Variants in KLF8 observed in about 807,000 individuals in gnomAD.
KLF8 encodes Krueppel-like factor 8.
Under a neutral mutation model 18.2 loss-of-function variants are expected in KLF8, and 10 were observed. That is an observed-to-expected ratio of 0.55 (90% CI 0.34 to 0.93). The LOEUF (loss-of-function observed/expected upper bound fraction) is 0.93. KLF8 is among the 40% of genes least tolerant of loss of function. KLF8 has a pLI of 0.02. For missense variants in KLF8, 264 were observed against 277.9 expected (o/e 0.95, Z 0.36); for synonymous variants, 109 against 97.3 (o/e 1.12, Z -0.71).
chrX:56,063,279 T>C, the KLF8 span, among the ~76,000 whole-genome samples: 3 of 111,630 alleles, frequency 2.7e-5, no homozygotes, highest in Non-Finnish European at 3.8e-5. Flanking sequence ...CTTTTTGCAC[T>C]GGTTTTTCCT....
the KLF8 span, among the ~76,000 whole-genome samples, chrX:56,175,426 C>T: frequency 5.4e-5 from 6 of 111,791 alleles, no homozygotes; most frequent in African/African-American, 2.0e-4. Flanking sequence ...TTTCTTAGTT[C>T]TGAGTTCTAG....
rs1445481097 is a variant in KLF8 at position 56,286,175 on chromosome X, G to A, written c.*1681G>A. ...AATTTTATTTATTTATTTTTTGAGA[G>A]ACGGTTTCACTCCATCACCCAGGCT... On this transcript the variant is annotated 3_prime_UTR_variant, in exon 6 of 6. Coordinates refer to ENST00000468660, the MANE Select transcript of KLF8 (RefSeq NM_007250.5). 9.0e-6 allele frequency: 1 copy of A among 110,942 alleles called. No individual in the cohort carries two copies. Among genetic ancestry groups the A allele is most frequent in the African/African-American group, 3.3e-5 (1 of 30,443 alleles). The allele number at this position is 110,942 out of a possible 1,213,427, so 9.1% of individuals were successfully genotyped here. A position where few individuals can be genotyped will look rare whatever the true frequency, so the allele number is the denominator to read the frequency against.
chrX:56,077,024 G>A, the KLF8 span, among the ~76,000 whole-genome samples: 2 of 111,543 alleles, frequency 1.8e-5, no homozygotes, highest in Non-Finnish European at 3.8e-5. Flanking sequence ...TGAGTTCATT[G>A]TAGATTCTGG....
At chrX:55,953,667 A>G in the KLF8 span, among the ~76,000 whole-genome samples, 1 of 110,946 alleles carries the variant, frequency 9.0e-6, no homozygotes, top group Non-Finnish European at 1.9e-5. Flanking sequence ...AAATAATCCC[A>G]TGTGTCTATG....
At chrX:55,983,867 A>C in the KLF8 span, among the ~76,000 whole-genome samples, 28 of 110,166 alleles carry the variant, frequency 2.5e-4, no homozygotes, top group Admixed American at 3.9e-4. Flanking sequence ...ATAAGTAAAA[A>C]CATGTGATAT....
Position 56,289,390 on chromosome X carries a change from A to G in KLF8, c.*4896A>G, listed in dbSNP as rs771177921. 4.6e-4 allele frequency among the ~76,000 whole-genome samples: 51 copies of G among 111,647 alleles called. No individual in the cohort carries two copies. Among genetic ancestry groups the G allele is most frequent in the African/African-American group, 1.5e-3 (47 of 30,714 alleles). On this transcript the variant is annotated 3_prime_UTR_variant, in exon 6 of 6. Transcript: ENST00000468660. ...CTGGTTTCTTTTACTGGAAAATTGT[A>G]TTAGAAACCAATATCTGGGCATTAG...
the KLF8 span, among the ~76,000 whole-genome samples, chrX:56,213,116 G>T: frequency 1.8e-5 from 2 of 109,962 alleles, no homozygotes; most frequent in Non-Finnish European, 3.8e-5. Flanking sequence ...TAATCACCTG[G>T]TGATGGTTTA....
chrX:56,101,358 T>G, the KLF8 span, among the ~76,000 whole-genome samples: 5 of 112,116 alleles, frequency 4.5e-5, no homozygotes, highest in African/African-American at 1.6e-4. Context: ...ATTTTCTTGA[T>G]CCAATCTACC....
At chrX:56,051,645 A>G in the KLF8 span, among the ~76,000 whole-genome samples, 22,368 of 110,319 alleles carry the variant, frequency 0.2, 4,889 homozygotes, top group African/African-American at 0.65. Context: ...TCCGCTGTTC[A>G]TCTGATGGGC....
the KLF8 span, among the ~76,000 whole-genome samples, chrX:56,158,304 A>G: frequency 9.0e-6 from 1 of 111,723 alleles, no homozygotes; most frequent in South Asian, 3.7e-4. Flanking sequence ...CTTGTAGTAT[A>G]GTTTGAAGTC....
At chrX:56,054,039 C>T in the KLF8 span, among the ~76,000 whole-genome samples, 1 of 110,868 alleles carries the variant, frequency 9.0e-6, no homozygotes, top group Non-Finnish European at 1.9e-5. Context: ...GTTCTGCTAC[C>T]TTTGGGGTTG....
At chrX:56,034,214 A>G in the KLF8 span, among the ~76,000 whole-genome samples, 3 of 112,200 alleles carry the variant, frequency 2.7e-5, no homozygotes, top group African/African-American at 9.7e-5. Flanking sequence ...TAAAGGTCCA[A>G]TTTCATTCTT....
At chrX:55,950,792 C>A in the KLF8 span, among the ~76,000 whole-genome samples, 1 of 111,962 alleles carries the variant, frequency 8.9e-6, no homozygotes, top group Non-Finnish European at 1.9e-5. Context: ...TCTCTTCCTG[C>A]TAGACTGAAA....
chrX:56,053,135 G>A, the KLF8 span, among the ~76,000 whole-genome samples: 4 of 112,090 alleles, frequency 3.6e-5, no homozygotes, highest in South Asian at 1.5e-3. Context: ...CTTGCGCACG[G>A]TGCCCGCACC....
the KLF8 span, among the ~76,000 whole-genome samples, chrX:56,221,827 T>G: frequency 1.8e-5 from 2 of 111,684 alleles, no homozygotes; most frequent in Non-Finnish European, 3.8e-5. Flanking sequence ...TTCCACAGTT[T>G]GGAAGGGGAC....
chrX:56,017,444 A>G, the KLF8 span, among the ~76,000 whole-genome samples: 1 of 112,514 alleles, frequency 8.9e-6, no homozygotes. Context: ...CAAAACCAGA[A>G]GCAGTTTGTA....
At chrX:56,114,590 A>G in the KLF8 span, among the ~76,000 whole-genome samples, 10 of 112,833 alleles carry the variant, frequency 8.9e-5, no homozygotes, top group South Asian at 3.6e-4. Flanking sequence ...GAAAAGTGGA[A>G]TGACCGTCCT....
rs1174955161 is a variant in KLF8 at position 56,246,097 on chromosome X, A to C, written c.8-4134A>C. Among the ~76,000 whole-genome samples, 3 of 111,940 alleles carry C rather than the reference A, an allele frequency of 2.7e-5. No individual in the cohort carries two copies. In the East Asian group the frequency reaches 8.4e-4, roughly 31 times the overall value. ...TGTTTTCTGGGTGAGGGCACTAGCC[A>C]GAAATGGCTGAGACATTATTAATTG... is the stretch of plus-strand genomic sequence containing the variant. On this transcript the variant is annotated intron_variant, in intron 1 of 5. Coordinates refer to ENST00000468660, the MANE Select transcript of KLF8 (RefSeq NM_007250.5).
chrX:56,140,326 A>C, the KLF8 span, among the ~76,000 whole-genome samples: 3 of 111,895 alleles, frequency 2.7e-5, no homozygotes, highest in African/African-American at 9.7e-5. Context: ...CTGAAGCACT[A>C]TTCACAATAG....
Sources: allele counts gnomAD v4.1 joint callset (sites outside exome capture counted in the v4.1 genomes callset), GRCh38; gene constraint gnomAD v4.1.1; transcripts MANE v1.5; gene names NCBI Gene and HGNC (gene_info 2026-07-23, HGNC 2026-07-21).